Variants in PTPRO observed in about 807,000 individuals in gnomAD.
The protein encoded by PTPRO is receptor-type tyrosine-protein phosphatase O.
PTPRO carries 62 observed loss-of-function variants against 145.2 expected under a neutral mutation model. The observed-to-expected ratio is 0.43, with a 90% confidence interval of 0.35 to 0.53. The LOEUF (loss-of-function observed/expected upper bound fraction) is 0.53, where lower values mean the gene tolerates loss of function less well. Ranked by LOEUF, PTPRO falls within the 20% of genes least tolerant of loss-of-function variation. The probability of loss-of-function intolerance (pLI) is 0.01; values close to 1 mark genes in which losing one functional copy is unlikely to be tolerated. For synonymous variants in PTPRO, 565 were observed against 514.7 expected (o/e 1.10, Z -1.32); for missense variants, 1,345 against 1,482.7 (o/e 0.91, Z 1.53).
chr12:15,473,026 T>A (rs1224547638), intron 1 of PTPRO, among the ~76,000 whole-genome samples: 2 of 152,182 alleles, frequency 1.3e-5, no homozygotes, highest in Non-Finnish European at 2.9e-5. Flanking sequence ...TCCCCTAGAC[T>A]GCTTCAAGGT....
chr12:15,420,921 A>C (rs1940126733), intron 1 of PTPRO, among the ~76,000 whole-genome samples: 1 of 152,214 alleles, frequency 6.6e-6, no homozygotes. Context: ...GTATGCAATA[A>C]ATGTTAACTG....
intron 1 of PTPRO, among the ~76,000 whole-genome samples, chr12:15,467,038 T>A (rs1027238327): frequency 6.6e-6 from 1 of 152,176 alleles, no homozygotes; most frequent in African/African-American, 2.4e-5. Flanking sequence ...GCTCGACTGC[T>A]AATCTGAAAA....
chr12:15,428,692 G>T (rs1298671859), intron 1 of PTPRO, among the ~76,000 whole-genome samples: 1 of 152,024 alleles, frequency 6.6e-6, no homozygotes, highest in Non-Finnish European at 1.5e-5. Flanking sequence ...TTTATATCTT[G>T]CCTACATAAT....
chr12:15,359,195 C>A (rs1263588639), intron 1 of PTPRO, among the ~76,000 whole-genome samples: 1 of 152,090 alleles, frequency 6.6e-6, no homozygotes, highest in Non-Finnish European at 1.5e-5. Flanking sequence ...CCACTAAATG[C>A]AAATTGTATT....
At chr12:15,335,902 A>C (rs1468806945) in intron 1 of PTPRO, among the ~76,000 whole-genome samples, 1 of 152,178 alleles carries the variant, frequency 6.6e-6, no homozygotes, top group Non-Finnish European at 1.5e-5. Flanking sequence ...TTGAGAAACT[A>C]ATGAGAATCT....
chr12:15,574,136 T>C (rs542262752), intron 19 of PTPRO, among the ~76,000 whole-genome samples: 2 of 152,362 alleles, frequency 1.3e-5, no homozygotes, highest in South Asian at 4.1e-4. Context: ...GATTTATAGA[T>C]ACTACCAATA....
chr12:15,339,606 T>A (rs1704747467), intron 1 of PTPRO, among the ~76,000 whole-genome samples: 2 of 152,144 alleles, frequency 1.3e-5, no homozygotes, highest in Non-Finnish European at 2.9e-5. Flanking sequence ...AGTAAATTAG[T>A]CCCTAGACTT....
At chr12:15,523,128 T>C (rs978184326) in intron 10 of PTPRO, among the ~76,000 whole-genome samples, 1 of 152,228 alleles carries the variant, frequency 6.6e-6, no homozygotes, top group Admixed American at 6.5e-5. Context: ...GTATTTCACA[T>C]GAAACAAATG....
At chr12:15,412,346 A>G (rs1262323727) in intron 1 of PTPRO, among the ~76,000 whole-genome samples, 1 of 152,240 alleles carries the variant, frequency 6.6e-6, no homozygotes, top group Non-Finnish European at 1.5e-5. Flanking sequence ...ATTAACAGTT[A>G]TATGTCTGGC....
chr12:15,494,531 CTTGAA>C (rs1318607415), intron 2 of PTPRO, among the ~76,000 whole-genome samples: 1 of 152,050 alleles, frequency 6.6e-6, no homozygotes, highest in Non-Finnish European at 1.5e-5. Context: ...AACAGTAATT[CTTGAA>C]TTGAATACTC....
At chr12:15,447,755 TC>T (rs1940938275) in intron 1 of PTPRO, among the ~76,000 whole-genome samples, 1 of 34,908 alleles carries the variant, frequency 2.9e-5, no homozygotes, top group Non-Finnish European at 3.7e-4. Context: ...CATCTTATAG[TC>T]TTTGAACAAA....
At chr12:15,340,335 T>C (rs1297157788) in intron 1 of PTPRO, among the ~76,000 whole-genome samples, 1 of 152,148 alleles carries the variant, frequency 6.6e-6, no homozygotes, top group Non-Finnish European at 1.5e-5. Context: ...CACTTCTTCC[T>C]CTTCCTCTTA....
chr12:15,369,044 C>G (rs1205440840), intron 1 of PTPRO, among the ~76,000 whole-genome samples: 1 of 152,082 alleles, frequency 6.6e-6, no homozygotes, highest in African/African-American at 2.4e-5. Context: ...GCTTAGTTTG[C>G]CAATGTGCTG....
At chr12:15,590,469 T>C (rs1251813038) in intron 25 of PTPRO, among the ~76,000 whole-genome samples, 1 of 152,186 alleles carries the variant, frequency 6.6e-6, no homozygotes, top group Admixed American at 6.5e-5. Context: ...GCCCGACCTG[T>C]AATCAGGGTA....
chr12:15,406,848 A>G (rs2136306772), intron 1 of PTPRO, among the ~76,000 whole-genome samples: 1 of 152,316 alleles, frequency 6.6e-6, no homozygotes, highest in South Asian at 2.1e-4. Context: ...AAAAACAACA[A>G]TACGAGAACA....
chr12:15,349,531 G>C (rs1187237694), intron 1 of PTPRO, among the ~76,000 whole-genome samples: 3 of 152,210 alleles, frequency 2.0e-5, no homozygotes, highest in Non-Finnish European at 1.5e-5. Flanking sequence ...CCATTTATTG[G>C]AACTTGGCTA....
chr12:15,485,545 T>C (rs1941867605), intron 2 of PTPRO, among the ~76,000 whole-genome samples: 1 of 152,128 alleles, frequency 6.6e-6, no homozygotes. Context: ...TAAATATTAG[T>C]ACAATTTAGT....
At chr12:15,382,874 G>A (rs865846828) in intron 1 of PTPRO, among the ~76,000 whole-genome samples, 5 of 152,096 alleles carry the variant, frequency 3.3e-5, no homozygotes, top group African/African-American at 7.2e-5. Context: ...GGGGTACAGC[G>A]TTATGGTTTG....
intron 21 of PTPRO, 129 bp downstream of exon 21, chr12:15,580,244 T>C: frequency 1.4e-6 from 1 of 728,822 alleles, no homozygotes. Context: ...TCTAAAAAGT[T>C]TGCATTACTC....
Sources: gnomAD v4.1 joint callset for allele counts (sites outside exome capture counted in the v4.1 genomes callset) on GRCh38, gnomAD v4.1.1 for gene constraint, MANE v1.5 for transcripts, NCBI Gene and HGNC (gene_info 2026-07-23, HGNC 2026-07-21) for gene names.